TRPC6: variants seen among roughly 807,000 people sequenced by gnomAD.
TRPC6 encodes the protein short transient receptor potential channel 6.
TRPC6 carries 55 observed loss-of-function variants against 90.7 expected under a neutral mutation model. That is an observed-to-expected ratio of 0.61 (90% CI 0.49 to 0.76). TRPC6 has a LOEUF of 0.76. Among genes scored for constraint, TRPC6 ranks in the 30% least tolerant of loss-of-function variants. The pLI is 0.00. For missense variants in TRPC6, 989 were observed against 1,122.7 expected, an observed-to-expected ratio of 0.88 and a Z score of 1.70; for synonymous variants, 393 against 393.0, an observed-to-expected ratio of 1.00 and a Z score of 0.00.
At chr11:101,517,615 G>C (rs891947127) in intron 1 of TRPC6, among the ~76,000 whole-genome samples, 3 of 152,122 alleles carry the variant, frequency 2.0e-5, no homozygotes, top group African/African-American at 4.8e-5. Flanking sequence ...AATAATGATA[G>C]AACCACAAGT....
At chr11:101,497,619 A>C (rs1461428832) in intron 2 of TRPC6, among the ~76,000 whole-genome samples, 1 of 152,190 alleles carries the variant, frequency 6.6e-6, no homozygotes, top group East Asian at 1.9e-4. Context: ...AGGAGCTGGA[A>C]GACCTCCAGA....
chr11:101,503,860 A>G (rs1860190681), intron 2 of TRPC6, among the ~76,000 whole-genome samples, 164 bp downstream of exon 2: 1 of 152,200 alleles, frequency 6.6e-6, no homozygotes, highest in South Asian at 2.1e-4. Context: ...GGTAGCGATC[A>G]CAACTTTTGC....
At chr11:101,480,111 G>C (rs1442804033) in intron 5 of TRPC6, among the ~76,000 whole-genome samples, 1 of 152,188 alleles carries the variant, frequency 6.6e-6, no homozygotes, top group African/African-American at 2.4e-5. Flanking sequence ...CCGGGAGGTG[G>C]AGGTTGCGGT....
chr11:101,583,137 C>T (rs1862236255), intron 1 of TRPC6, 197 bp downstream of exon 1: 2 of 983,470 alleles, frequency 2.0e-6, no homozygotes, highest in South Asian at 4.7e-5. Context: ...ACCTAGACAA[C>T]CCCGCCTCCC....
chr11:101,510,841 G>T (rs1407533950), intron 1 of TRPC6, among the ~76,000 whole-genome samples: 1 of 152,102 alleles, frequency 6.6e-6, no homozygotes, highest in Admixed American at 6.5e-5. Context: ...TCTACTTCCT[G>T]TTCAACTATG....
intron 4 of TRPC6, among the ~76,000 whole-genome samples, chr11:101,483,555 C>G (rs1482250001): frequency 6.6e-6 from 1 of 152,102 alleles, no homozygotes; most frequent in Non-Finnish European, 1.5e-5. Context: ...TCTACTTTGC[C>G]AGGTATAGAA....
intron 1 of TRPC6, among the ~76,000 whole-genome samples, chr11:101,509,529 A>C (rs1474172204): frequency 2.6e-5 from 4 of 152,168 alleles, no homozygotes; most frequent in South Asian, 2.1e-4. Flanking sequence ...AGAATGTCTG[A>C]GTTGTGACAT....
At chr11:101,579,792 G>A (rs573007485) in intron 1 of TRPC6, among the ~76,000 whole-genome samples, 1 of 152,182 alleles carries the variant, frequency 6.6e-6, no homozygotes, top group Non-Finnish European at 1.5e-5. Context: ...GCTTTATGCA[G>A]GGCACAGGGG....
chr11:101,574,647 G>A (rs1215923956), intron 1 of TRPC6, among the ~76,000 whole-genome samples: 1 of 149,452 alleles, frequency 6.7e-6, no homozygotes, highest in African/African-American at 2.5e-5. Context: ...GGTTAAGTGT[G>A]GGGATTTTCT....
chr11:101,476,376 T>C lies in TRPC6; in HGVS notation c.1669A>G (p.Ile557Val), dbSNP rs759388143. Residue 557 changes from isoleucine (I) to valine (V), a missense_variant, in exon 6 of 13, where the codon ATC becomes GTC. Transcript: ENST00000344327. ...TTCAAAGTATCATTTGCGTCAATGA[T>C]GCTCTGGGCTTTGGAAGCATGCCAA... Reference protein sequence around the residue: ...AFWHASKAQSIIDANDTLKDL... With the variant: ...AFWHASKAQSVIDANDTLKDL... The C allele has an allele frequency of 2.5e-6, 4 of 1,614,006 alleles. No homozygotes were observed. Among genetic ancestry groups the C allele is most frequent in the Non-Finnish European group, 3.4e-6 (4 of 1,180,000 alleles).
Position 101,534,723 on chromosome 11 carries a change from TC to T in TRPC6, c.171-29926del, listed in dbSNP as rs535522982. On this transcript the variant is annotated intron_variant, in intron 1 of 12. Coordinates refer to ENST00000344327, the MANE Select transcript of TRPC6 (RefSeq NM_004621.6). ...TTCATTTAGCAAGAGATGGTTCACA[TC>T]TTTTTAACATAACTACTTCATAGCT... Among the ~76,000 whole-genome samples, 85 of 152,346 alleles carry T rather than the reference TC, an allele frequency of 5.6e-4. 1 individual carries two copies. The highest frequency in any genetic ancestry group is 1.9e-3 in the African/African-American group (77 of 41,588).
intron 10 of TRPC6, among the ~76,000 whole-genome samples, chr11:101,459,079 G>T (rs140135022): frequency 6.6e-6 from 1 of 152,118 alleles, no homozygotes; most frequent in Non-Finnish European, 1.5e-5. Flanking sequence ...AATGTATGTC[G>T]TAAAACCAAG....
At position 101,583,005 on chromosome 11, in the gene TRPC6, T is replaced by C. The variant is rs76631879; in HGVS notation, c.170+329A>G. On this transcript the variant is annotated intron_variant, in intron 1 of 12. Transcript: ENST00000344327. Reference sequence around the variant, plus strand: ...TGTTACGTAGCGATCCTGTCTCTTGTAGAGCGCAGGATGAAGGGGTCTGGA... The same window carrying C: ...TGTTACGTAGCGATCCTGTCTCTTGCAGAGCGCAGGATGAAGGGGTCTGGA... 3.7e-3 allele frequency among the ~76,000 whole-genome samples: 562 copies of C among 152,230 alleles called. 5 individuals carry two copies. Among genetic ancestry groups the C allele is most frequent in the African/African-American group, 0.013 (545 of 41,530 alleles).
chr11:101,522,168 A>G (rs1160619668), intron 1 of TRPC6, among the ~76,000 whole-genome samples: 1 of 152,228 alleles, frequency 6.6e-6, no homozygotes, highest in Non-Finnish European at 1.5e-5. Flanking sequence ...CTCAAATCTC[A>G]TGTTGAATTG....
intron 1 of TRPC6, among the ~76,000 whole-genome samples, chr11:101,522,132 T>A (rs1860677178): frequency 6.6e-6 from 1 of 152,146 alleles, no homozygotes; most frequent in Non-Finnish European, 1.5e-5. Context: ...AGGGGCAGAA[T>A]AATATGGTTT....
In TRPC6 at chr11:101,471,296, G is replaced by C. The variant is rs201466403; in HGVS notation, c.2296C>G (p.Leu766Val). Reference protein sequence around the residue: ...EGRTLPVPFNLVPSPKSLFYL... With the variant: ...EGRTLPVPFNVVPSPKSLFYL... ...AACAGGGACTTTGGACTCGGCACCA[G>C]ATTGAAGGGTACAGGAAGTGTTCTG... Residue 766 changes from leucine to valine, a missense_variant, in exon 9 of 13, where the codon CTG (leucine) becomes GTG (valine). Leu to Val is a conservative substitution (Grantham distance 32). Coordinates refer to ENST00000344327, the MANE Select transcript of TRPC6 (RefSeq NM_004621.6). The C allele has an allele frequency of 3.2e-5, 52 of 1,613,864 alleles. No individual in the cohort carries two copies. The highest frequency in any genetic ancestry group is 5.0e-5 in the Admixed American group (3 of 59,988).
rs199497734 is a variant in TRPC6, at chr11:101,504,721, C to T, written c.248G>A (p.Gly83Glu). Residue 83 changes from glycine (G) to glutamate (E), a missense_variant, in exon 2 of 13, where the codon GGA (glycine) becomes GAA (glutamate). Around this residue, in one of 4 missense-constraint regions of TRPC6, gnomAD observed 194 missense variants for 136.5 expected, o/e 1.42. Coordinates refer to ENST00000344327, the MANE Select transcript of TRPC6 (RefSeq NM_004621.6). Reference sequence around the variant, plus strand: ...GCGATCACTAAACATGTATGCTGGTCCTCGATTAGCTAACCTTCTCCCCTT... The same window carrying T: ...GCGATCACTAAACATGTATGCTGGTTCTCGATTAGCTAACCTTCTCCCCTT... ...REKGRRLANR[G>E]PAYMFSDRST... The T allele has an allele frequency of 1.9e-6, 3 of 1,593,694 alleles. No homozygotes were observed. The highest frequency in any genetic ancestry group is 2.6e-6 in the Non-Finnish European group (3 of 1,169,104).
At chr11:101,571,516 C>A (rs756622655) in intron 1 of TRPC6, among the ~76,000 whole-genome samples, 14 of 152,144 alleles carry the variant, frequency 9.2e-5, no homozygotes, top group African/African-American at 1.4e-4. Context: ...TTGGAAAAAA[C>A]TAATTTAAAC....
chr11:101,540,850 T>C (rs969634911), intron 1 of TRPC6, among the ~76,000 whole-genome samples: 2 of 152,172 alleles, frequency 1.3e-5, no homozygotes, highest in South Asian at 2.1e-4. Flanking sequence ...TTTTCTTATC[T>C]GTGGAGAGGA....
Sources: allele counts gnomAD v4.1 joint callset (sites outside exome capture counted in the v4.1 genomes callset), GRCh38; gene constraint gnomAD v4.1.1; regional missense constraint gnomAD v4.1.1; transcripts MANE v1.5; gene names NCBI Gene and HGNC (gene_info 2026-07-23, HGNC 2026-07-21).